The following DLGAP4 variants were observed in gnomAD, a reference collection of about 807,000 sequenced individuals.
DLGAP4 encodes the protein disks large-associated protein 4.
DLGAP4 carries 18 observed loss-of-function variants against 86.9 expected under a neutral mutation model. The ratio of observed to expected loss-of-function variants is 0.21; its 90% CI spans 0.14 to 0.31. The LOEUF is 0.31. DLGAP4 is among the 10% of genes least tolerant of loss of function. DLGAP4 has a pLI of 1.00. For synonymous variants in DLGAP4, 548 were observed against 574.3 expected (o/e 0.95, Z 0.65); for missense variants, 1,085 against 1,362.6 (o/e 0.80, Z 3.21).
At chr20:36,458,344 C>CTTT (rs1173496431) in intron 7 of DLGAP4, among the ~76,000 whole-genome samples, 49 of 91,420 alleles carry the variant, frequency 5.4e-4, no homozygotes, top group Non-Finnish European at 6.2e-4. Context: ...AACCCCATAT[C>CTTT]TTTTTTTTTT....
intron 7 of DLGAP4, among the ~76,000 whole-genome samples, chr20:36,466,985 C>CTGTCTCTCTCCTCTCTCTCTG (rs1569509509): frequency 2.7e-5 from 4 of 149,316 alleles, no homozygotes; most frequent in Non-Finnish European, 5.9e-5. Context: ...CTCTCTCTCT[C>CTGTCTCTCTCCTCTCTCTCTG]TCTCTGTCTC....
chr20:36,413,389 T>C (rs2032558725), intron 2 of DLGAP4, among the ~76,000 whole-genome samples: 1 of 148,360 alleles, frequency 6.7e-6, no homozygotes. Context: ...CACTTTTTGT[T>C]CCTGTTGATT....
chr20:36,470,624 A>G (rs2034618418), intron 7 of DLGAP4, among the ~76,000 whole-genome samples: 1 of 151,904 alleles, frequency 6.6e-6, no homozygotes, highest in East Asian at 1.9e-4. Context: ...TCCTACCCAG[A>G]CACCTAATCA....
At chr20:36,501,758 A>G (rs1196763766) in intron 10 of DLGAP4, among the ~76,000 whole-genome samples, 2 of 152,222 alleles carry the variant, frequency 1.3e-5, no homozygotes, top group Non-Finnish European at 2.9e-5. Context: ...GCAGCCTTTG[A>G]TGATGCAGAA....
intron 1 of DLGAP4, among the ~76,000 whole-genome samples, chr20:36,342,401 T>G (rs1279643767): frequency 1.3e-5 from 2 of 152,052 alleles, no homozygotes; most frequent in African/African-American, 4.8e-5. Context: ...TAAGGGCCTA[T>G]CAGGGAAAGG....
chr20:36,369,720 T>G (rs569565196), intron 2 of DLGAP4, among the ~76,000 whole-genome samples: 2 of 152,342 alleles, frequency 1.3e-5, no homozygotes, highest in South Asian at 4.1e-4. Flanking sequence ...ACATGACTAT[T>G]TCCTTTTGAT....
At position 36,308,311 on chromosome 20, in the gene DLGAP4, A is replaced by G. The variant is rs2065023584; in HGVS notation, c.-304+1799A>G. Among the ~76,000 whole-genome samples, 1 of 152,148 alleles carries G rather than the reference A, an allele frequency of 6.6e-6. No individual in the cohort carries two copies. Among genetic ancestry groups the G allele is most frequent in the Non-Finnish European group, 1.5e-5 (1 of 68,034 alleles). Reference sequence around the variant, plus strand: ...TGGGCGCTGGGGAGTGCAATGGCTGACAGGGTCCCCACCTCCAGGAGCCTC... The same window carrying G: ...TGGGCGCTGGGGAGTGCAATGGCTGGCAGGGTCCCCACCTCCAGGAGCCTC... On this transcript the variant is annotated intron_variant, in intron 1 of 12. Coordinates refer to ENST00000339266, the MANE Select transcript of DLGAP4 (RefSeq NM_001365621.2). The surrounding 1 kb of genome is among the most constrained non-coding windows in gnomAD (Gnocchi z 4.5).
intron 1 of DLGAP4, among the ~76,000 whole-genome samples, chr20:36,349,826 C>T (rs1699648968): frequency 6.6e-6 from 1 of 152,158 alleles, no homozygotes; most frequent in Admixed American, 6.5e-5. Context: ...GTGGTCATCA[C>T]ATCAATAAAT....
chr20:36,438,504 C>T (rs539355798), intron 4 of DLGAP4, among the ~76,000 whole-genome samples: 21 of 150,678 alleles, frequency 1.4e-4, no homozygotes, highest in African/African-American at 4.6e-4. Flanking sequence ...GGATGACCTT[C>T]GCCAGTCTTT....
chr20:36,461,333 G>C lies in DLGAP4; in HGVS notation c.1648+14396G>C, dbSNP rs2097311655. 1.5e-5 allele frequency: 7 copies of C among 459,754 alleles called. No individual in the cohort carries two copies. The South Asian group carries it at 2.7e-4, about 18-fold the overall frequency. The allele number at this position is 459,754 out of a possible 1,614,324, so 28.5% of individuals were successfully genotyped here. A position where few individuals can be genotyped will look rare whatever the true frequency, so the allele number is the denominator to read the frequency against. The stretch of plus-strand genomic sequence containing the variant: ...GCCGACCAGCCCGGCTGCGCGCGCC[G>C]GGCCACATGCCAAGCGGGCTGCGCG... On this transcript the variant is annotated intron_variant, in intron 7 of 12. Coordinates refer to ENST00000339266, the MANE Select transcript of DLGAP4 (RefSeq NM_001365621.2).
At chr20:36,380,608 AG>A (rs2031345366) in intron 2 of DLGAP4, among the ~76,000 whole-genome samples, 1 of 5,016 alleles carries the variant, frequency 2.0e-4, no homozygotes, top group Non-Finnish European at 3.1e-4. Flanking sequence ...AGAGAGAGAG[AG>A]AGAGAGAGAG....
chr20:36,331,181 C>G (rs1222277545), intron 1 of DLGAP4, among the ~76,000 whole-genome samples: 2 of 152,176 alleles, frequency 1.3e-5, no homozygotes, highest in Non-Finnish European at 2.9e-5. Context: ...ATAAATGGGT[C>G]CTCCTGTCCA....
At chr20:36,335,272 T>C (rs1263305972) in intron 1 of DLGAP4, among the ~76,000 whole-genome samples, 1 of 152,190 alleles carries the variant, frequency 6.6e-6, no homozygotes, top group Non-Finnish European at 1.5e-5. Context: ...CCAGCACAGA[T>C]GGCATGACAT....
At chr20:36,325,452 G>T (rs2065206741) in intron 1 of DLGAP4, among the ~76,000 whole-genome samples, 1 of 152,124 alleles carries the variant, frequency 6.6e-6, no homozygotes, top group Non-Finnish European at 1.5e-5. Flanking sequence ...TTCTATAAAT[G>T]TCGGGTCAAG....
Position 36,408,479 on chromosome 20 carries a change from G to A in DLGAP4, c.-72-23167G>A, listed in dbSNP as rs1051814612. Among the ~76,000 whole-genome samples the A allele has an allele frequency of 3.9e-5, 6 of 152,308 alleles. No homozygotes were observed. In the East Asian group the frequency reaches 5.8e-4, roughly 15 times the overall value. ...CTCCCGGATATTTCCTGCTTGGCCC[G>A]TGTCCAAGCTGAGCTTGTTCCTGCA... On this transcript the variant is annotated intron_variant, in intron 2 of 12. Coordinates refer to ENST00000339266, the MANE Select transcript of DLGAP4 (RefSeq NM_001365621.2).
chr20:36,338,392 T>A (rs1555892251), intron 1 of DLGAP4, among the ~76,000 whole-genome samples: 1 of 151,962 alleles, frequency 6.6e-6, no homozygotes, highest in Non-Finnish European at 1.5e-5. Flanking sequence ...AGAAACCCTG[T>A]CTCTACTAAA....
intron 2 of DLGAP4, among the ~76,000 whole-genome samples, chr20:36,410,805 C>T (rs1403629982): frequency 6.6e-6 from 1 of 152,104 alleles, no homozygotes; most frequent in African/African-American, 2.4e-5. Flanking sequence ...CAGGGGATCC[C>T]ATTCCAACAT....
intron 1 of DLGAP4, among the ~76,000 whole-genome samples, chr20:36,323,037 T>C (rs1484698789): frequency 2.6e-5 from 4 of 151,736 alleles, no homozygotes; most frequent in African/African-American, 9.7e-5. Flanking sequence ...TAGCTGGGCA[T>C]GGTGGTGTGT....
At chr20:36,494,345 T>G (rs1051325426) in intron 7 of DLGAP4, among the ~76,000 whole-genome samples, 1 of 152,210 alleles carries the variant, frequency 6.6e-6, no homozygotes, top group Non-Finnish European at 1.5e-5. Context: ...TGATGAGGGC[T>G]CCTGGCTTTT....
Sources: gnomAD v4.1 joint callset for allele counts (sites outside exome capture counted in the v4.1 genomes callset) on GRCh38, gnomAD v4.1.1 for gene constraint, Gnocchi (gnomAD v3.1) non-coding constraint, MANE v1.5 for transcripts, NCBI Gene and HGNC (gene_info 2026-07-23, HGNC 2026-07-21) for gene names.